KNL1: variants seen among roughly 807,000 people sequenced by gnomAD.
KNL1 encodes the protein kinetochore scaffold 1, also known as outer kinetochore KNL1 complex subunit KNL1.
In KNL1, 66 loss-of-function variants were observed where a neutral mutation model predicts 201.3. The observed-to-expected ratio is 0.33, with a 90% CI of 0.27 to 0.40. KNL1 has a LOEUF of 0.40. Among genes scored for constraint, KNL1 ranks in the 10% least tolerant of loss-of-function variants. The probability of loss-of-function intolerance (pLI) is 1.00; values close to 1 mark genes in which losing one functional copy is unlikely to be tolerated. For missense variants in KNL1, 2,815 were observed against 2,690.5 expected (o/e 1.05, Z -1.02); for synonymous variants, 895 against 899.2 (o/e 1.00, Z 0.08).
At chr15:40,608,950 GTA>G (rs1892067833) in intron 5 of KNL1, 42 bp downstream of exon 5, 1 of 1,322,798 alleles carries the variant, frequency 7.6e-7, no homozygotes. Flanking sequence ...ATAGGTACTG[GTA>G]TTTTGTGTAT....
Position 40,645,074 on chromosome 15 carries a change from G to GCTCTGACAAAGAGGTACTTTTGT in KNL1, c.5880_5889+13dup, listed in dbSNP as rs1893345585. On this transcript the variant is annotated frameshift_variant, in exon 15 of 26. Coordinates refer to ENST00000399668, the MANE Select transcript of KNL1 (RefSeq NM_144508.5). LOFTEE classifies it high-confidence loss of function. The stretch of plus-strand genomic sequence containing the variant: ...AACCTGTGGGAAAAAATGAGACACT[G>GCTCTGACAAAGAGGTACTTTTGT]CTCTGACAAAGAGGTACTTTTGTCT... 1.2e-6 allele frequency: 2 copies of GCTCTGACAAAGAGGTACTTTTGT among 1,607,614 alleles called. No homozygotes were observed. The highest frequency in any genetic ancestry group is 1.7e-6 in the Non-Finnish European group (2 of 1,175,210).
chr15:40,599,918 C>G (rs970839072), intron 1 of KNL1, among the ~76,000 whole-genome samples: 6 of 151,678 alleles, frequency 4.0e-5, no homozygotes, highest in African/African-American at 1.5e-4. Context: ...TCCAGAGATC[C>G]TCCTGCCTCA....
At chr15:40,614,718 T>C (rs1892285654) in intron 7 of KNL1, among the ~76,000 whole-genome samples, 1 of 152,250 alleles carries the variant, frequency 6.6e-6, no homozygotes. Flanking sequence ...CATAAAGATT[T>C]ACCTCAGTCT....
intron 23 of KNL1, 72 bp from the exon 24 acceptor site, chr15:40,657,283 C>T: frequency 9.3e-7 from 1 of 1,072,424 alleles, no homozygotes; most frequent in Non-Finnish European, 1.4e-6. Flanking sequence ...TTTTTGAGTT[C>T]TTTGTAAGTG....
intron 13 of KNL1, among the ~76,000 whole-genome samples, chr15:40,630,979 A>G (rs1258047488): frequency 2.6e-5 from 4 of 152,074 alleles, no homozygotes; most frequent in Non-Finnish European, 4.4e-5. Context: ...TTAGCTGGGC[A>G]TGGTGGCACA....
chr15:40,615,025 A>C (rs1892294658), intron 7 of KNL1, among the ~76,000 whole-genome samples: 1 of 152,126 alleles, frequency 6.6e-6, no homozygotes, highest in Non-Finnish European at 1.5e-5. Context: ...ACGCTCCCAA[A>C]GTGTTGGGAT....
In KNL1 at chr15:40,662,057, A is replaced by AG. The variant is rs1273839560; in HGVS notation, c.6837-17_6837-16insG. 4.1e-6 allele frequency: 6 copies of AG among 1,447,970 alleles called. No individual in the cohort carries two copies. The highest frequency in any genetic ancestry group is 5.8e-6 in the Non-Finnish European group (6 of 1,030,454). 89.7% of individuals were successfully genotyped at this position (1,447,970 alleles called of 1,614,324 possible). On this transcript the variant is annotated splice_polypyrimidine_tract_variant and intron_variant, in intron 25 of 25. Transcript: ENST00000399668. Reference sequence around the variant, plus strand: ...CCGTCGCAAAAAAGAAAATTGATTAACCTTTGTTCTTTCCAGCCAAGATGA... The same window carrying AG: ...CCGTCGCAAAAAAGAAAATTGATTAAGCCTTTGTTCTTTCCAGCCAAGATGA...
Position 40,602,303 on chromosome 15 carries a change from A to ATTT in KNL1, c.-17-601_-17-599dup, listed in dbSNP as rs34302606. ...CCGCCTCGGCCTCCCAAAGTGCTGT[A>ATTT]TTTTTTTTTTTTTCAGTAGAGACGG... On this transcript the variant is annotated intron_variant, in intron 1 of 25. Transcript: ENST00000399668. Among the ~76,000 whole-genome samples the ATTT allele has an allele frequency of 6.8e-3, 738 of 108,708 alleles. 12 individuals carry two copies. Among genetic ancestry groups the ATTT allele is most frequent in the East Asian group, 8.2e-3 (30 of 3,670 alleles). 71.3% of individuals were successfully genotyped at this position (108,708 alleles called of 152,430 possible).
At chr15:40,598,581 G>A (rs909832378) in intron 1 of KNL1, among the ~76,000 whole-genome samples, 2 of 151,288 alleles carry the variant, frequency 1.3e-5, no homozygotes, top group Admixed American at 6.6e-5. Flanking sequence ...TGCCCCCTCC[G>A]GCCCCCCAAA....
chr15:40,637,037 C>T (rs561126240), intron 13 of KNL1, among the ~76,000 whole-genome samples: 1 of 150,942 alleles, frequency 6.6e-6, no homozygotes, highest in East Asian at 1.9e-4. Flanking sequence ...TTTCCCTGAT[C>T]GTCTTATGCC....
At chr15:40,631,187 C>A (rs1892902794) in intron 13 of KNL1, among the ~76,000 whole-genome samples, 1 of 152,010 alleles carries the variant, frequency 6.6e-6, no homozygotes, top group Non-Finnish European at 1.5e-5. Flanking sequence ...GTGCTTGAAT[C>A]ATCCTGAGAC....
At chr15:40,648,478 G>C (rs962343644) in intron 17 of KNL1, among the ~76,000 whole-genome samples, 2 of 152,074 alleles carry the variant, frequency 1.3e-5, no homozygotes, top group Non-Finnish European at 2.9e-5. Flanking sequence ...TCAAAAACTT[G>C]TTCTCTCTTA....
chr15:40,606,467 C>CA lies in KNL1; in HGVS notation c.135+18dup. ...AAAGAGTTCAGGTAAGTCTTTTGTGCAAATACTTTATAGATGACTATTTTC... is the reference window on the plus strand; with the variant it reads ...AAAGAGTTCAGGTAAGTCTTTTGTGCAAAATACTTTATAGATGACTATTTTC... On this transcript the variant is annotated intron_variant, in intron 4 of 25. Coordinates refer to ENST00000399668, the MANE Select transcript of KNL1 (RefSeq NM_144508.5). The CA allele has an allele frequency of 7.1e-7, 1 of 1,399,390 alleles. No homozygotes were observed. Among genetic ancestry groups the CA allele is most frequent in the Non-Finnish European group, 1.0e-6 (1 of 986,410 alleles). The allele number at this position is 1,399,390 out of a possible 1,614,324, so 86.7% of individuals were successfully genotyped here.
intron 1 of KNL1, among the ~76,000 whole-genome samples, chr15:40,597,938 G>A (rs755225483): frequency 3.3e-5 from 5 of 152,136 alleles, no homozygotes; most frequent in African/African-American, 4.8e-5. Context: ...TTGGGAGGCC[G>A]AGGCGGGCAG....
chr15:40,629,739 G>A (rs1226784091), intron 13 of KNL1, among the ~76,000 whole-genome samples: 1 of 151,854 alleles, frequency 6.6e-6, no homozygotes, highest in Non-Finnish European at 1.5e-5. Context: ...CTGACCTCGT[G>A]ACCCACTTGC....
Position 40,628,696 on chromosome 15 carries a change from T to G in KNL1, c.5583+18T>G. ...TGAGGGAGGTATGTTAAAATTCTTTTTCTTTTTTTTATTTATAAAGAAAAG... is the reference window on the plus strand; with the variant it reads ...TGAGGGAGGTATGTTAAAATTCTTTGTCTTTTTTTTATTTATAAAGAAAAG... On this transcript the variant is annotated intron_variant, in intron 12 of 25. Transcript: ENST00000399668. 6.7e-7 allele frequency: 1 copy of G among 1,487,250 alleles called. No homozygotes were observed. Among genetic ancestry groups the G allele is most frequent in the Non-Finnish European group, 9.2e-7 (1 of 1,085,924 alleles). The allele number at this position is 1,487,250 out of a possible 1,614,324, so 92.1% of individuals were successfully genotyped here.
intron 17 of KNL1, among the ~76,000 whole-genome samples, chr15:40,649,868 A>G (rs1893502003): frequency 6.6e-6 from 1 of 152,120 alleles, no homozygotes; most frequent in Non-Finnish European, 1.5e-5. Flanking sequence ...CTCTTTTGTT[A>G]GTACTTCTTA....
intron 6 of KNL1, chr15:40,610,922 G>T (rs1567001995): frequency 6.9e-6 from 3 of 436,910 alleles, no homozygotes. Flanking sequence ...GCTAATTTTT[G>T]TATTTTTAGT....
rs73394756 is a variant in KNL1, at chr15:40,622,278, A to C, written c.2014A>C (p.Ile672Leu). The C allele has an allele frequency of 8.2e-4, 1,331 of 1,614,036 alleles. 10 individuals carry two copies. In the African/African-American group the frequency reaches 0.016, roughly 20 times the overall value. ...CNQEIATSHN[I>L]VYCGGVLDKQ... ...TCAGGAGATAGCAACAAGCCATAAT[A>C]TAGTCTACTGTGGTGGAGTTCTTGA... The change falls in exon 10 of 26, where the codon ATA becomes CTA. Residue 672 changes from isoleucine to leucine, a missense_variant. Coordinates refer to ENST00000399668, the MANE Select transcript of KNL1 (RefSeq NM_144508.5).
Sources: gnomAD v4.1 joint callset for allele counts (sites outside exome capture counted in the v4.1 genomes callset) on GRCh38, gnomAD v4.1.1 for gene constraint, MANE v1.5 for transcripts, NCBI Gene and HGNC (gene_info 2026-07-23, HGNC 2026-07-21) for gene names.